Variants in TRPS1 observed in about 807,000 individuals in gnomAD.
TRPS1 encodes transcriptional repressor GATA binding 1.
Under a neutral mutation model 101.2 loss-of-function variants are expected in TRPS1, and 6 were observed. That is an observed-to-expected ratio of 0.06 (90% confidence interval 0.03 to 0.12). TRPS1 has a LOEUF of 0.12. Among genes scored for constraint, TRPS1 ranks in the 10% least tolerant of loss-of-function variants. TRPS1 has a pLI of 1.00. For missense variants in TRPS1, 1,363 were observed against 1,567.0 expected, an observed-to-expected ratio of 0.87 and a Z score of 2.20; for synonymous variants, 578 against 589.8, an observed-to-expected ratio of 0.98 and a Z score of 0.29.
At chr8:115,578,533 G>A (rs900018995) in intron 5 of TRPS1, among the ~76,000 whole-genome samples, 7 of 152,008 alleles carry the variant, frequency 4.6e-5, no homozygotes, top group African/African-American at 1.4e-4. Flanking sequence ...AAACATACTA[G>A]GATGTCACTA....
Position 115,620,019 on chromosome 8 carries a change from T to G in TRPS1, c.79A>C (p.Ser27Arg), listed in dbSNP as rs750414845. The change falls in exon 3 of 7, where the codon AGT becomes CGT. Residue 27 changes from serine to arginine, a missense_variant. Around this residue, in one of 5 missense-constraint regions of TRPS1, gnomAD observed 1,020 missense variants for 1,073.0 expected, o/e 0.95. Transcript: ENST00000395715. ...KKNPPLRNVA[S>R]EGEGQILEPI... Reference sequence around the variant, plus strand: ...TCCAGGATCTGGCCCTCGCCTTCACTTGCAACGTTTCTCAGAGGGGGGTTC... The same window carrying G: ...TCCAGGATCTGGCCCTCGCCTTCACGTGCAACGTTTCTCAGAGGGGGGTTC... 2.5e-6 allele frequency: 4 copies of G among 1,614,196 alleles called. No individual in the cohort carries two copies. In the South Asian group the frequency reaches 3.3e-5, roughly 13 times the overall value.
intron 5 of TRPS1, among the ~76,000 whole-genome samples, chr8:115,511,541 C>T (rs1482515971): frequency 6.6e-6 from 1 of 151,796 alleles, no homozygotes; most frequent in East Asian, 1.9e-4. Context: ...TGCAGTATAA[C>T]AAGCTATCAA....
intron 1 of TRPS1, chr8:115,668,211 G>A: frequency 2.3e-6 from 1 of 433,356 alleles, no homozygotes; most frequent in Admixed American, 4.0e-5. Flanking sequence ...CCAAAAGGAG[G>A]AGAGGAAGGG....
At position 115,410,149 on chromosome 8, in the gene TRPS1, G is replaced by A. The variant is rs1447998052; in HGVS notation, c.*3874C>T. 6.6e-6 allele frequency: 1 copy of A among 151,968 alleles called. No homozygotes were observed. The highest frequency in any genetic ancestry group is 1.5e-5 in the Non-Finnish European group (1 of 67,968). 9.4% of individuals were successfully genotyped at this position (151,968 alleles called of 1,614,324 possible). On this transcript the variant is annotated 3_prime_UTR_variant, in exon 7 of 7. Transcript: ENST00000395715. Reference sequence around the variant, plus strand: ...AAGACCGGTCACTTTGTGATGTTTTGCAGCCACACAACAGGAGGCTAATAA... The same window carrying A: ...AAGACCGGTCACTTTGTGATGTTTTACAGCCACACAACAGGAGGCTAATAA...
chr8:115,620,646 T>C (rs1818374056), intron 2 of TRPS1, among the ~76,000 whole-genome samples: 2 of 152,356 alleles, frequency 1.3e-5, no homozygotes, highest in South Asian at 4.1e-4. Context: ...CAGAAACAGC[T>C]ATGTTATAAA....
At chr8:115,632,984 A>G (rs1182887685) in intron 1 of TRPS1, among the ~76,000 whole-genome samples, 1 of 152,070 alleles carries the variant, frequency 6.6e-6, no homozygotes, top group Non-Finnish European at 1.5e-5. Context: ...AAAGTTTAAG[A>G]GTGTGTGTGC....
intron 5 of TRPS1, among the ~76,000 whole-genome samples, chr8:115,512,167 A>C (rs1415276760): frequency 6.6e-6 from 1 of 151,766 alleles, no homozygotes; most frequent in Non-Finnish European, 1.5e-5. Context: ...AAACTTGGCA[A>C]ACAAGAACTC....
chr8:115,422,189 TTC>T (rs1445853556), intron 5 of TRPS1, among the ~76,000 whole-genome samples: 3 of 151,844 alleles, frequency 2.0e-5, no homozygotes, highest in African/African-American at 7.3e-5. Flanking sequence ...TGCCTGCTAT[TTC>T]TATCGTTATT....
At chr8:115,616,418 A>AT (rs1451201859) in intron 3 of TRPS1, among the ~76,000 whole-genome samples, 1 of 152,076 alleles carries the variant, frequency 6.6e-6, no homozygotes, top group Non-Finnish European at 1.5e-5. Context: ...TGTATATCTC[A>AT]TATTTGCTCT....
chr8:115,642,304 T>C (rs1441762057), intron 1 of TRPS1, among the ~76,000 whole-genome samples: 1 of 12,752 alleles, frequency 7.8e-5, no homozygotes, highest in South Asian at 5.0e-3. Context: ...AATAGTCATA[T>C]ATCCGATATG....
At chr8:115,499,690 G>T (rs1815253822) in intron 5 of TRPS1, among the ~76,000 whole-genome samples, 1 of 152,136 alleles carries the variant, frequency 6.6e-6, no homozygotes. Context: ...TGTCTAATGT[G>T]TTTCCATTCT....
intron 1 of TRPS1, among the ~76,000 whole-genome samples, chr8:115,647,285 A>G (rs1811432947): frequency 6.6e-6 from 1 of 152,198 alleles, no homozygotes; most frequent in South Asian, 2.1e-4. Context: ...GACTTCTAGA[A>G]AAGGAAATTA....
At chr8:115,533,462 T>A (rs1816201115) in intron 5 of TRPS1, among the ~76,000 whole-genome samples, 1 of 135,414 alleles carries the variant, frequency 7.4e-6, no homozygotes, top group Non-Finnish European at 1.6e-5. Context: ...TTTTTTTTCC[T>A]GAAAAAAATC....
chr8:115,441,906 T>A (rs1299983291), intron 5 of TRPS1, among the ~76,000 whole-genome samples: 5 of 151,508 alleles, frequency 3.3e-5, no homozygotes, highest in African/African-American at 9.7e-5. Flanking sequence ...AGAGTGTGTG[T>A]GTGTGTGTGT....
intron 1 of TRPS1, among the ~76,000 whole-genome samples, chr8:115,651,712 GGAA>G (rs541819998): frequency 4.6e-5 from 7 of 152,172 alleles, no homozygotes; most frequent in Non-Finnish European, 1.0e-4. Flanking sequence ...GAGCGTTTCA[GGAA>G]GAAGAATACA....
intron 5 of TRPS1, among the ~76,000 whole-genome samples, chr8:115,423,171 C>A (rs543618326): frequency 2.0e-5 from 3 of 152,212 alleles, no homozygotes; most frequent in East Asian, 1.9e-4. Flanking sequence ...CTAAAAATTG[C>A]TACAGAAAAA....
intron 5 of TRPS1, among the ~76,000 whole-genome samples, chr8:115,430,821 A>G (rs1338754511): frequency 2.6e-5 from 4 of 152,088 alleles, no homozygotes; most frequent in African/African-American, 9.7e-5. Context: ...CATTAAAGCA[A>G]TATCATATTT....
chr8:115,471,512 G>A (rs1814468466), intron 5 of TRPS1, among the ~76,000 whole-genome samples: 1 of 152,108 alleles, frequency 6.6e-6, no homozygotes, highest in South Asian at 2.1e-4. Flanking sequence ...GATTTGGGCA[G>A]GGATATAGCC....
At chr8:115,417,176 AATC>A (rs1367718169) in intron 6 of TRPS1, among the ~76,000 whole-genome samples, 1 of 152,168 alleles carries the variant, frequency 6.6e-6, no homozygotes, top group Non-Finnish European at 1.5e-5. Flanking sequence ...CTTCAATTAA[AATC>A]ATTAATGTCA....
Sources: gnomAD v4.1 joint callset for allele counts (sites outside exome capture counted in the v4.1 genomes callset) on GRCh38, gnomAD v4.1.1 for gene constraint, gnomAD v4.1.1 regional missense constraint, MANE v1.5 for transcripts, NCBI Gene and HGNC (gene_info 2026-07-23, HGNC 2026-07-21) for gene names.